CNTRL: variants seen among roughly 807,000 people sequenced by gnomAD.
CNTRL encodes the protein 110 kDa centrosomal protein.
A neutral mutation model predicts 303.7 loss-of-function variants in CNTRL; 233 were observed. The ratio of observed to expected loss-of-function variants is 0.77; its 90% CI spans 0.69 to 0.86. The LOEUF (loss-of-function observed/expected upper bound fraction) is 0.86. Among genes scored for constraint, CNTRL ranks in the 40% least tolerant of loss-of-function variants. The pLI is 0.00. For synonymous variants in CNTRL, 900 were observed against 922.2 expected (o/e 0.98, Z 0.44); for missense variants, 2,524 against 2,650.6 (o/e 0.95, Z 1.05).
intron 12 of CNTRL, among the ~76,000 whole-genome samples, chr9:121,122,780 T>G (rs1460551313): frequency 6.6e-6 from 1 of 152,172 alleles, no homozygotes; most frequent in Non-Finnish European, 1.5e-5. Context: ...AGAAATACAA[T>G]CCATTCTTTT....
At chr9:121,147,420 T>G (rs2051939238) in intron 23 of CNTRL, among the ~76,000 whole-genome samples, 1 of 152,224 alleles carries the variant, frequency 6.6e-6, no homozygotes, top group Admixed American at 6.5e-5. Context: ...AGCTGTAGTT[T>G]AGGAATAATA....
chr9:121,161,798 G>T, intron 32 of CNTRL, 58 bp from the exon 33 acceptor site: 1 of 1,304,180 alleles, frequency 7.7e-7, no homozygotes, highest in Non-Finnish European at 1.1e-6. Context: ...GTTTCATTTT[G>T]TAAATGTTTT....
At chr9:121,153,794 C>T (rs2052416326) in intron 26 of CNTRL, among the ~76,000 whole-genome samples, 1 of 152,194 alleles carries the variant, frequency 6.6e-6, no homozygotes, top group African/African-American at 2.4e-5. Flanking sequence ...GGGAGGCCTG[C>T]AGAGGACACA....
intron 26 of CNTRL, among the ~76,000 whole-genome samples, chr9:121,153,679 T>C (rs979119654): frequency 6.6e-6 from 1 of 152,182 alleles, no homozygotes; most frequent in Non-Finnish European, 1.5e-5. Flanking sequence ...CATCTGTTGA[T>C]TGGGTTAATT....
At chr9:121,134,195 C>T (rs2051043691) in intron 14 of CNTRL, among the ~76,000 whole-genome samples, 1 of 152,100 alleles carries the variant, frequency 6.6e-6, no homozygotes, top group African/African-American at 2.4e-5. Context: ...CCCTTCAACA[C>T]ACATTTTTTT....
At chr9:121,175,846 A>G (rs1175196356) in intron 43 of CNTRL, among the ~76,000 whole-genome samples, 1 of 152,206 alleles carries the variant, frequency 6.6e-6, no homozygotes, top group African/African-American at 2.4e-5. Flanking sequence ...GTCAATATAA[A>G]GAGCTTAGAC....
intron 27 of CNTRL, among the ~76,000 whole-genome samples, chr9:121,156,878 C>G (rs1329205458): frequency 6.6e-6 from 1 of 152,176 alleles, no homozygotes; most frequent in East Asian, 1.9e-4. Context: ...TTTTACTTCG[C>G]TTGATAATAA....
intron 14 of CNTRL, among the ~76,000 whole-genome samples, chr9:121,127,653 A>G (rs2050605174): frequency 6.6e-6 from 1 of 151,780 alleles, no homozygotes; most frequent in Non-Finnish European, 1.5e-5. Flanking sequence ...ATGATTTTAT[A>G]TACTTTTTAA....
chr9:121,144,116 A>T, intron 20 of CNTRL, 34 bp downstream of exon 20: 1 of 1,530,164 alleles, frequency 6.5e-7, no homozygotes, highest in Non-Finnish European at 8.8e-7. Context: ...GTTTCCATCA[A>T]TGATGCTGCT....
At chr9:121,119,335 C>T (rs1322221686) in intron 12 of CNTRL, among the ~76,000 whole-genome samples, 2 of 135,098 alleles carry the variant, frequency 1.5e-5, no homozygotes, top group Non-Finnish European at 1.5e-5. Flanking sequence ...TTTGCTCTGT[C>T]GCCAGGCTGG....
Position 121,161,376 on chromosome 9 carries a change from TCA to T in CNTRL, c.5090-479_5090-478del, listed in dbSNP as rs1255134035. On this transcript the variant is annotated intron_variant, in intron 32 of 43. Transcript: ENST00000373855. ...AGGCCAAAAAATTGTTATATAAATC[TCA>T]GTCTGTATTTCAAAGTATTTTTAAT... The T allele has an allele frequency of 7.6e-6, 3 of 393,996 alleles. No individual in the cohort carries two copies. In the East Asian group the frequency reaches 1.1e-4, roughly 14 times the overall value. The allele number at this position is 393,996 out of a possible 1,614,324, so 24.4% of individuals were successfully genotyped here.
At chr9:121,135,717 T>C (rs1564253673) in intron 14 of CNTRL, 89 bp from the exon 15 acceptor site, 1 of 1,256,806 alleles carries the variant, frequency 8.0e-7, no homozygotes, top group East Asian at 2.4e-5. Flanking sequence ...CAGCATTTGG[T>C]TTACAGTGCT....
At chr9:121,106,446 T>G (rs1003377601) in intron 7 of CNTRL, among the ~76,000 whole-genome samples, 21 of 150,908 alleles carry the variant, frequency 1.4e-4, no homozygotes, top group African/African-American at 4.6e-4. Flanking sequence ...AAAGGAAAAA[T>G]CCCTTGGTAG....
At chr9:121,091,707 A>G (rs183628415) in intron 4 of CNTRL, among the ~76,000 whole-genome samples, 6 of 151,846 alleles carry the variant, frequency 4.0e-5, no homozygotes, top group Non-Finnish European at 7.4e-5. Flanking sequence ...AGCCAGGCGT[A>G]GTGGCGGGCG....
rs868730255 is a variant in CNTRL at position 121,117,427 on chromosome 9, G to T, written c.1456-919G>T. On this transcript the variant is annotated intron_variant, in intron 11 of 43. Transcript: ENST00000373855. ...TAAATCTCTATGCTAAAAACTGTTA[G>T]AAATAAGAGATAGAGTATTAAGTTA... 1.7e-4 allele frequency among the ~76,000 whole-genome samples: 26 copies of T among 152,246 alleles called. No homozygotes were observed. In the South Asian group the frequency reaches 5.2e-3, roughly 30 times the overall value.
chr9:121,161,824 A>G lies in CNTRL; in HGVS notation c.5090-32A>G, dbSNP rs2052867115. 3 of 1,470,260 alleles carry G rather than the reference A, an allele frequency of 2.0e-6. No individual in the cohort carries two copies. In the South Asian group the frequency reaches 3.4e-5, roughly 17 times the overall value. The allele number at this position is 1,470,260 out of a possible 1,614,324, so 91.1% of individuals were successfully genotyped here. ...TAAATGTTTTCCAAGTTCATTTAATATCATGGACCATGCTTTGTTTCTATC... is the reference window on the plus strand; with the variant it reads ...TAAATGTTTTCCAAGTTCATTTAATGTCATGGACCATGCTTTGTTTCTATC... On this transcript the variant is annotated intron_variant, in intron 32 of 43. Coordinates refer to ENST00000373855, the MANE Select transcript of CNTRL (RefSeq NM_007018.6).
intron 10 of CNTRL, among the ~76,000 whole-genome samples, 170 bp downstream of exon 10, chr9:121,113,894 G>A (rs1325304796): frequency 6.6e-6 from 1 of 152,070 alleles, no homozygotes. Flanking sequence ...CATTTATTTT[G>A]TAATGATTCC....
intron 14 of CNTRL, among the ~76,000 whole-genome samples, chr9:121,129,252 A>G (rs1436998713): frequency 6.6e-6 from 1 of 152,168 alleles, no homozygotes; most frequent in Non-Finnish European, 1.5e-5. Context: ...TTTTCACGGT[A>G]TTGATTCTTC....
intron 12 of CNTRL, among the ~76,000 whole-genome samples, chr9:121,120,718 G>C (rs1375583541): frequency 6.6e-6 from 1 of 152,178 alleles, no homozygotes; most frequent in Non-Finnish European, 1.5e-5. Flanking sequence ...CGGACAGAGA[G>C]TTCAATTCCC....
Sources: allele counts gnomAD v4.1 joint callset (sites outside exome capture counted in the v4.1 genomes callset), GRCh38; gene constraint gnomAD v4.1.1; transcripts MANE v1.5; gene names NCBI Gene and HGNC (gene_info 2026-07-23, HGNC 2026-07-21).